The following CDC34 variants were observed in gnomAD, a reference collection of about 807,000 sequenced individuals.
CDC34 encodes the protein ubiquitin-conjugating enzyme E2 R1.
In CDC34, 18 loss-of-function variants were observed where a neutral mutation model predicts 26.8. That is an observed-to-expected ratio of 0.67 (90% CI 0.47 to 1.00). The LOEUF (loss-of-function observed/expected upper bound fraction) is 1.00, where lower values mean the gene tolerates loss of function less well. Among genes scored for constraint, CDC34 ranks in the 50% least tolerant of loss-of-function variants. The pLI is 0.00. For missense variants in CDC34, 280 were observed against 334.5 expected (o/e 0.84, Z 1.27); for synonymous variants, 178 against 147.5 (o/e 1.21, Z -1.50).
intron 1 of CDC34, among the ~76,000 whole-genome samples, chr19:535,536 G>T (rs1979698920): frequency 6.6e-6 from 1 of 152,216 alleles, no homozygotes; most frequent in Non-Finnish European, 1.5e-5. Context: ...GGCTGCCACG[G>T]GCCTGGAGCC....
chr19:534,919 C>G (rs1488608093), intron 1 of CDC34, among the ~76,000 whole-genome samples: 1 of 152,020 alleles, frequency 6.6e-6, no homozygotes, highest in Non-Finnish European at 1.5e-5. Context: ...CCTCCCTGTC[C>G]AGGCTTCCAC....
chr19:532,090 C>T lies in CDC34; in HGVS notation c.159C>T (p.Tyr53=). 2 of 1,517,308 alleles carry T rather than the reference C, an allele frequency of 1.3e-6. No homozygotes were observed. Among genetic ancestry groups the T allele is most frequent in the Admixed American group, 2.5e-5 (1 of 40,546 alleles). The allele number at this position is 1,517,308 out of a possible 1,614,324, so 94.0% of individuals were successfully genotyped here. Residue 53 remains tyrosine, a synonymous_variant, in exon 1 of 5, where the codon TAC becomes TAT. Transcript: ENST00000215574. ...TCTTCGGGCCCCCCAACACCTACTA[C>T]GAGGGCGGCTACTTCAAGGTGAGCG... ...VAIFGPPNTY[Y]EGGYFKARLK... is the part of the protein sequence containing the mutation.
rs929292610 is a variant in CDC34, at chr19:538,236, G to A, written c.497+1089G>A. Among the ~76,000 whole-genome samples the A allele has an allele frequency of 6.6e-5, 10 of 152,364 alleles. No individual in the cohort carries two copies. In the East Asian group the frequency reaches 1.3e-3, roughly 21 times the overall value. On this transcript the variant is annotated intron_variant, in intron 4 of 4. Transcript: ENST00000215574. The stretch of plus-strand genomic sequence containing the variant: ...TTGGCCTTACTCATGTCTGGAGTGC[G>A]TCCCTGCAGGCTCTTGGCCTGGTGA...
chr19:532,744 A>T (rs796694844), intron 1 of CDC34, among the ~76,000 whole-genome samples: 4 of 152,330 alleles, frequency 2.6e-5, no homozygotes, highest in African/African-American at 9.6e-5. Flanking sequence ...GCAGCCGGCC[A>T]GGCGCCCTGG....
In CDC34 at chr19:541,804, C is replaced by A. The variant is rs1420753494; in HGVS notation, c.*252C>A. 3.6e-5 allele frequency: 12 copies of A among 331,358 alleles called. No individual in the cohort carries two copies. The allele number at this position is 331,358 out of a possible 1,614,324, so 20.5% of individuals were successfully genotyped here. A position where few individuals can be genotyped will look rare whatever the true frequency, so the allele number is the denominator to read the frequency against. On this transcript the variant is annotated 3_prime_UTR_variant, in exon 5 of 5. Transcript: ENST00000215574. ...GGTGGGAGCGGCCGGCCCACCTGTC[C>A]CCTCGGGAGGGGAGCTGAGCCCGAC...
intron 4 of CDC34, chr19:538,707 C>T: frequency 1.0e-6 from 1 of 985,430 alleles, no homozygotes; most frequent in Non-Finnish European, 1.2e-6. Context: ...CACCTTCCAT[C>T]CTGCACTCGC....
At position 537,003 on chromosome 19, in the gene CDC34, C is replaced by G. The variant is rs760925793; in HGVS notation, c.363-10C>G. On this transcript the variant is annotated splice_polypyrimidine_tract_variant and intron_variant, in intron 3 of 4. Coordinates refer to ENST00000215574, the MANE Select transcript of CDC34 (RefSeq NM_004359.2). ...CCGGGCCGCCCCACTCCGACCCACT[C>G]TCCCCACAGGACCATTCTCCTGAGT... is the stretch of plus-strand genomic sequence containing the variant. 22 of 1,613,388 alleles carry G rather than the reference C, an allele frequency of 1.4e-5. No homozygotes were observed. The highest frequency in any genetic ancestry group is 1.7e-5 in the Non-Finnish European group (20 of 1,179,940).
chr19:536,088 C>T lies in CDC34; in HGVS notation c.265-155C>T, dbSNP rs4264506. Among the ~76,000 whole-genome samples, 334 of 131,452 alleles carry T rather than the reference C, an allele frequency of 2.5e-3. 4 individuals are homozygous for T. The highest frequency in any genetic ancestry group is 7.2e-3 in the East Asian group (31 of 4,302). The allele number at this position is 131,452 out of a possible 152,430, so 86.2% of individuals were successfully genotyped here. The stretch of plus-strand genomic sequence containing the variant: ...CTCACGTCCTCGTCCTTCCGGGACC[C>T]GAGGCGCTGGGAGCCTCATGTCCTC... On this transcript the variant is annotated intron_variant, in intron 2 of 4. Transcript: ENST00000215574.
chr19:536,387 C>G (rs747732809), intron 3 of CDC34, 47 bp downstream of exon 3: 2 of 1,417,876 alleles, frequency 1.4e-6, no homozygotes, highest in Non-Finnish European at 1.9e-6. Flanking sequence ...TCAGGTAGGC[C>G]GGGCTCCGTC....
chr19:535,031 G>C (rs1489843812), intron 1 of CDC34, among the ~76,000 whole-genome samples: 1 of 152,252 alleles, frequency 6.6e-6, no homozygotes, highest in African/African-American at 2.4e-5. Flanking sequence ...GGCCCAGCAG[G>C]AAAACAGTGA....
At position 535,909 on chromosome 19, in the gene CDC34, C is replaced by T; in HGVS notation, c.250C>T (p.Pro84Ser). 6.2e-7 allele frequency: 1 copy of T among 1,613,618 alleles called. No homozygotes were observed. Among genetic ancestry groups the T allele is most frequent in the East Asian group, 2.2e-5 (1 of 44,878 alleles). Residue 84 changes from proline to serine, a missense_variant, in exon 2 of 5, where the codon CCT becomes TCT. Coordinates refer to ENST00000215574, the MANE Select transcript of CDC34 (RefSeq NM_004359.2). ...TCGGTTCCTGACCAAGATGTGGCACCCTAACATCTACGAGGTGAGCGCGGC... is the reference window on the plus strand; with the variant it reads ...TCGGTTCCTGACCAAGATGTGGCACTCTAACATCTACGAGGTGAGCGCGGC... ...AFRFLTKMWH[P>S]NIYETGDVCI...
chr19:536,576 C>T, intron 3 of CDC34: 1 of 581,078 alleles, frequency 1.7e-6, no homozygotes, highest in Non-Finnish European at 3.1e-6. Flanking sequence ...CCAGGCCGGC[C>T]CCACCGTCTG....
chr19:538,779 T>C, intron 4 of CDC34: 1 of 985,398 alleles, frequency 1.0e-6, no homozygotes, highest in Non-Finnish European at 1.2e-6. Context: ...GTCTCGGCTC[T>C]GAGCAGCCAT....
At chr19:541,275 G>C in intron 4 of CDC34, 64 bp from the exon 5 acceptor site, 3 of 1,462,138 alleles carry the variant, frequency 2.1e-6, no homozygotes, top group South Asian at 2.7e-5. Flanking sequence ...CCTGGGGGAG[G>C]GGGGCCGGGC....
chr19:540,996 C>T (rs572301458), intron 4 of CDC34, among the ~76,000 whole-genome samples: 2 of 152,298 alleles, frequency 1.3e-5, no homozygotes, highest in East Asian at 3.9e-4. Flanking sequence ...AAGGCTTTTG[C>T]CCCCCAGTGG....
intron 1 of CDC34, among the ~76,000 whole-genome samples, chr19:532,569 C>T (rs977291675): frequency 5.3e-5 from 8 of 152,182 alleles, no homozygotes; most frequent in Non-Finnish European, 1.0e-4. Context: ...ACAAAGAGGC[C>T]CCCCCAGACC....
At position 541,791 on chromosome 19, in the gene CDC34, C is replaced by T. The variant is rs765978907; in HGVS notation, c.*239C>T. The T allele has an allele frequency of 5.2e-5, 19 of 361,958 alleles. No individual in the cohort carries two copies. The highest frequency in any genetic ancestry group is 1.3e-4 in the East Asian group (3 of 22,994). 22.4% of individuals were successfully genotyped at this position (361,958 alleles called of 1,614,324 possible). On this transcript the variant is annotated 3_prime_UTR_variant, in exon 5 of 5. Coordinates refer to ENST00000215574, the MANE Select transcript of CDC34 (RefSeq NM_004359.2). ...TGGACGGGCCCAGGGTGGGAGCGGC[C>T]GGCCCACCTGTCCCCTCGGGAGGGG...
chr19:538,229 G>A (rs17841765), intron 4 of CDC34, among the ~76,000 whole-genome samples: 1,552 of 152,366 alleles, frequency 0.01, 15 homozygotes, highest in Non-Finnish European at 0.014. Context: ...ACTCATGTCT[G>A]GAGTGCGTCC....
chr19:539,752 C>T (rs1317966750), intron 4 of CDC34, among the ~76,000 whole-genome samples: 3 of 152,214 alleles, frequency 2.0e-5, no homozygotes, highest in East Asian at 1.9e-4. Context: ...GTCAGCGTGC[C>T]GCCTGGCCCT....
Sources: allele counts gnomAD v4.1 joint callset (sites outside exome capture counted in the v4.1 genomes callset), GRCh38; gene constraint gnomAD v4.1.1; transcripts MANE v1.5; gene names NCBI Gene and HGNC (gene_info 2026-07-23, HGNC 2026-07-21).